EPM2A: variants seen among roughly 807,000 people sequenced by gnomAD.
EPM2A encodes the protein EPM2A glucan phosphatase, laforin.
Under a neutral mutation model 26.5 loss-of-function variants are expected in EPM2A, and 21 were observed. That is an observed-to-expected ratio of 0.79 (90% CI 0.56 to 1.14). The LOEUF (loss-of-function observed/expected upper bound fraction) is 1.14. Among genes scored for constraint, EPM2A ranks in the 50% most tolerant of loss-of-function variants. EPM2A has a pLI of 0.00. For missense variants in EPM2A, 458 were observed against 440.8 expected, an observed-to-expected ratio of 1.04 and a Z score of -0.35; for synonymous variants, 217 against 177.6, an observed-to-expected ratio of 1.22 and a Z score of -1.76.
intron 4 of EPM2A, among the ~76,000 whole-genome samples, chr6:145,444,545 G>A (rs755157500): frequency 1.3e-5 from 2 of 152,142 alleles, no homozygotes; most frequent in Non-Finnish European, 2.9e-5. Flanking sequence ...AAGTTTTCTT[G>A]TTTTTGTTGT....
chr6:145,584,276 C>G (rs1431630237), intron 2 of EPM2A, among the ~76,000 whole-genome samples: 2 of 152,092 alleles, frequency 1.3e-5, no homozygotes, highest in African/African-American at 2.4e-5. Flanking sequence ...GGTCTGCCAG[C>G]AAAGGAGGTA....
At chr6:145,635,179 T>TA (rs1776551442) in intron 3 of EPM2A, 66 bp downstream of exon 3, 1 of 1,580,730 alleles carries the variant, frequency 6.3e-7, no homozygotes, top group Non-Finnish European at 8.7e-7. Context: ...AAATTATAGA[T>TA]AGACAGACAG....
At chr6:145,522,237 C>T (rs957352636) in intron 2 of EPM2A, among the ~76,000 whole-genome samples, 2 of 152,170 alleles carry the variant, frequency 1.3e-5, no homozygotes, top group African/African-American at 4.8e-5. Context: ...CAGGCATGAG[C>T]CACCGCGCCT....
At chr6:145,669,270 A>G (rs1206985019) in intron 2 of EPM2A, among the ~76,000 whole-genome samples, 1 of 152,242 alleles carries the variant, frequency 6.6e-6, no homozygotes, top group Non-Finnish European at 1.5e-5. Flanking sequence ...TAGGGCCTTT[A>G]TGATATAGAA....
At chr6:145,655,797 C>T (rs1035703838) in intron 2 of EPM2A, among the ~76,000 whole-genome samples, 25 of 152,064 alleles carry the variant, frequency 1.6e-4, no homozygotes, top group African/African-American at 5.8e-4. Context: ...CATAACAGAG[C>T]ACTGGCATTT....
intron 4 of EPM2A, among the ~76,000 whole-genome samples, chr6:145,477,794 T>C (rs1445972172): frequency 6.6e-6 from 1 of 151,634 alleles, no homozygotes; most frequent in African/African-American, 2.4e-5. Context: ...TATAATAAAA[T>C]TCATATATGA....
At chr6:145,417,388 G>C (rs1477758991) in intron 4 of EPM2A, among the ~76,000 whole-genome samples, 3 of 152,122 alleles carry the variant, frequency 2.0e-5, no homozygotes, top group Non-Finnish European at 4.4e-5. Flanking sequence ...TAGCATCTCA[G>C]GCAGTTGGTT....
At chr6:145,471,002 C>G (rs142173273) in intron 4 of EPM2A, among the ~76,000 whole-genome samples, 3,396 of 152,234 alleles carry the variant, frequency 0.022, 46 homozygotes, top group Admixed American at 0.031. Flanking sequence ...TGCTCCACAC[C>G]GCTCTCTTCC....
intron 4 of EPM2A, among the ~76,000 whole-genome samples, chr6:145,425,116 C>CCCTTCCTTCCTTCCTT (rs71028346): frequency 0.21 from 27,316 of 131,634 alleles, 3,726 homozygotes; most frequent in East Asian, 0.41. Flanking sequence ...ATGTAAGTCT[C>CCCTTCCTTCCTTCCTT]CCTTCCTTCC....
intron 4 of EPM2A, among the ~76,000 whole-genome samples, chr6:145,491,477 A>G (rs553693534): frequency 2.6e-5 from 4 of 152,260 alleles, no homozygotes; most frequent in Admixed American, 6.5e-5. Flanking sequence ...GTCCCTTTGA[A>G]GTCAAGCTAC....
intron 4 of EPM2A, among the ~76,000 whole-genome samples, chr6:145,472,401 C>A (rs1779486326): frequency 6.6e-6 from 1 of 151,782 alleles, no homozygotes; most frequent in Non-Finnish European, 1.5e-5. Flanking sequence ...GCAAAGCGGA[C>A]TTTGTTTTGC....
chr6:145,436,926 A>G (rs1377311723), intron 4 of EPM2A, among the ~76,000 whole-genome samples: 1 of 151,650 alleles, frequency 6.6e-6, no homozygotes, highest in Non-Finnish European at 1.5e-5. Flanking sequence ...TGTCTCCCAC[A>G]TTTCTTTAAT....
chr6:145,444,988 T>C (rs552363002), intron 4 of EPM2A, among the ~76,000 whole-genome samples: 1 of 152,162 alleles, frequency 6.6e-6, no homozygotes, highest in Admixed American at 6.6e-5. Context: ...GGTCAGGTAA[T>C]GATTGGACTG....
chr6:145,446,771 C>G (rs1477608107), intron 4 of EPM2A, among the ~76,000 whole-genome samples: 1 of 152,030 alleles, frequency 6.6e-6, no homozygotes, highest in Non-Finnish European at 1.5e-5. Context: ...TTGGAGTCAA[C>G]AAAATACTCA....
At chr6:145,466,730 C>T (rs1489840902) in intron 4 of EPM2A, among the ~76,000 whole-genome samples, 1 of 152,138 alleles carries the variant, frequency 6.6e-6, no homozygotes, top group African/African-American at 2.4e-5. Flanking sequence ...ATAGCAAAGA[C>T]TTGGAACCAA....
intron 4 of EPM2A, among the ~76,000 whole-genome samples, chr6:145,455,849 A>G (rs951346453): frequency 2.0e-4 from 30 of 152,238 alleles, no homozygotes; most frequent in African/African-American, 6.8e-4. Flanking sequence ...ACATTGAAAC[A>G]TTCAGACATG....
At chr6:145,602,678 A>G (rs902421013) in intron 2 of EPM2A, among the ~76,000 whole-genome samples, 11 of 152,332 alleles carry the variant, frequency 7.2e-5, no homozygotes, top group African/African-American at 2.4e-4. Context: ...CTACACAAAC[A>G]TATCCCATTA....
chr6:145,620,443 A>G (rs1308755711), downstream of EPM2A, among the ~76,000 whole-genome samples: 1 of 152,076 alleles, frequency 6.6e-6, no homozygotes, highest in Non-Finnish European at 1.5e-5. Context: ...GCCTGTTAGG[A>G]ACTGAGCCAC....
chr6:145,453,401 T>A (rs557288893), intron 4 of EPM2A, among the ~76,000 whole-genome samples: 1 of 152,320 alleles, frequency 6.6e-6, no homozygotes, highest in South Asian at 2.1e-4. Context: ...TTTTAAAAAA[T>A]TCTCAGAGGT....
Sources: allele counts gnomAD v4.1 joint callset (sites outside exome capture counted in the v4.1 genomes callset), GRCh38; gene constraint gnomAD v4.1.1; transcripts MANE v1.5; gene names NCBI Gene and HGNC (gene_info 2026-07-23, HGNC 2026-07-21).